The following GALK2 variants were observed in gnomAD, a reference collection of about 807,000 sequenced individuals.
GALK2 encodes the protein N-acetylgalactosamine kinase.
In GALK2, 36 loss-of-function variants were observed where a neutral mutation model predicts 52.4. The ratio of observed to expected loss-of-function variants is 0.69; its 90% CI spans 0.53 to 0.91. The LOEUF is 0.91. GALK2 is among the 40% of genes least tolerant of loss of function. GALK2 has a pLI of 0.00. For synonymous variants in GALK2, 176 were observed against 199.1 expected, an observed-to-expected ratio of 0.88 and a Z score of 0.98; for missense variants, 579 against 559.1, an observed-to-expected ratio of 1.04 and a Z score of -0.36.
intron 1 of GALK2, among the ~76,000 whole-genome samples, chr15:49,200,350 A>C (rs1566930348): frequency 6.6e-6 from 1 of 152,220 alleles, no homozygotes; most frequent in South Asian, 2.1e-4. Flanking sequence ...TCATTTGACT[A>C]CATGTTCTGA....
downstream of GALK2, among the ~76,000 whole-genome samples, chr15:49,334,873 A>C (rs1019012834): frequency 6.6e-6 from 1 of 152,200 alleles, no homozygotes; most frequent in Non-Finnish European, 1.5e-5. Flanking sequence ...TCTTGTAAAA[A>C]TTGATGGATA....
chr15:49,265,282 G>A (rs567889280), intron 5 of GALK2, among the ~76,000 whole-genome samples: 38 of 152,282 alleles, frequency 2.5e-4, no homozygotes, highest in South Asian at 8.3e-4. Context: ...AATGGCGCGC[G>A]CCCTCCCCCA....
chr15:49,298,452 A>G (rs1322211773), intron 8 of GALK2, among the ~76,000 whole-genome samples: 3 of 151,976 alleles, frequency 2.0e-5, no homozygotes, highest in African/African-American at 7.2e-5. Context: ...CTCCAATACT[A>G]TGTTGAATAG....
At chr15:49,313,769 A>T (rs1165215888) in intron 8 of GALK2, among the ~76,000 whole-genome samples, 1 of 152,234 alleles carries the variant, frequency 6.6e-6, no homozygotes, top group East Asian at 1.9e-4. Context: ...CTCAGTGCTT[A>T]TGGCATCCCT....
chr15:49,183,710 G>A (rs1778695831), intron 1 of GALK2, among the ~76,000 whole-genome samples: 1 of 152,134 alleles, frequency 6.6e-6, no homozygotes, highest in African/African-American at 2.4e-5. Context: ...AGGCGTGGTG[G>A]CACATGCCTG....
At chr15:49,293,646 C>T (rs1028312890) in intron 8 of GALK2, among the ~76,000 whole-genome samples, 9 of 152,268 alleles carry the variant, frequency 5.9e-5, no homozygotes, top group African/African-American at 1.9e-4. Flanking sequence ...CTAAAGTTTA[C>T]CTTAGTTTTG....
chr15:49,162,835 C>G (rs1344746994), intron 1 of GALK2, among the ~76,000 whole-genome samples: 2 of 152,296 alleles, frequency 1.3e-5, no homozygotes, highest in Admixed American at 6.5e-5. Flanking sequence ...TGCTAACAGC[C>G]ATGTGCTCTT....
At chr15:49,282,945 G>A (rs2032902962) in intron 6 of GALK2, among the ~76,000 whole-genome samples, 1 of 152,168 alleles carries the variant, frequency 6.6e-6, no homozygotes, top group Non-Finnish European at 1.5e-5. Flanking sequence ...GTTAGCTATA[G>A]AGTCTGAACA....
chr15:49,328,693 G>A lies in GALK2; in HGVS notation c.*534G>A, dbSNP rs1219245855. 1 of 1,548,744 alleles carries A rather than the reference G, an allele frequency of 6.5e-7. No individual in the cohort carries two copies. Among genetic ancestry groups the A allele is most frequent in the African/African-American group, 1.4e-5 (1 of 73,020 alleles). On this transcript the variant is annotated 3_prime_UTR_variant, in exon 10 of 10. Coordinates refer to ENST00000560031, the MANE Select transcript of GALK2 (RefSeq NM_002044.4). ...TCGGAACGCTATGAAAATAATACAT[G>A]ATTAAAGTTTCACAGATCTTCTTGG... is the stretch of plus-strand genomic sequence containing the variant.
intron 2 of GALK2, among the ~76,000 whole-genome samples, chr15:49,215,971 C>T (rs1193789048): frequency 6.6e-6 from 1 of 152,176 alleles, no homozygotes; most frequent in Non-Finnish European, 1.5e-5. Flanking sequence ...TGCTCTAAGC[C>T]CAGGAATGCT....
chr15:49,335,317 T>C, downstream of GALK2: 1 of 712,730 alleles, frequency 1.4e-6, no homozygotes, highest in Non-Finnish European at 2.4e-6. Flanking sequence ...CAGACATGAC[T>C]CTCCTCATCA....
intron 8 of GALK2, among the ~76,000 whole-genome samples, chr15:49,295,863 C>T (rs2034429714): frequency 6.6e-6 from 1 of 152,206 alleles, no homozygotes; most frequent in Admixed American, 6.5e-5. Context: ...TATTCTCTTG[C>T]TCTGTATCCA....
At position 49,328,917 on chromosome 15, in the gene GALK2, A is replaced by AT. The variant is rs2151120918; in HGVS notation, c.*759dup. 8.2e-7 allele frequency: 1 copy of AT among 1,221,678 alleles called. No homozygotes were observed. Among genetic ancestry groups the AT allele is most frequent in the Non-Finnish European group, 1.0e-6 (1 of 973,508 alleles). The allele number at this position is 1,221,678 out of a possible 1,614,324, so 75.7% of individuals were successfully genotyped here. A position where few individuals can be genotyped will look rare whatever the true frequency, so the allele number is the denominator to read the frequency against. ...TCCATTACTTAATAGAAAAACTTAG[A>AT]TAAAAAACACTTTAAGACTCTTCTA... is the stretch of plus-strand genomic sequence containing the variant. On this transcript the variant is annotated 3_prime_UTR_variant, in exon 10 of 10. Transcript: ENST00000560031.
upstream of GALK2, among the ~76,000 whole-genome samples, chr15:49,167,334 G>A (rs1325814993): frequency 6.6e-6 from 1 of 152,092 alleles, no homozygotes; most frequent in East Asian, 1.9e-4. Flanking sequence ...TAAAAATACT[G>A]TAAAATATAA....
At chr15:49,268,656 A>G (rs2029875176) in intron 5 of GALK2, among the ~76,000 whole-genome samples, 1 of 152,174 alleles carries the variant, frequency 6.6e-6, no homozygotes, top group African/African-American at 2.4e-5. Context: ...CCAGGGTTCT[A>G]TCCTTACTGG....
At chr15:49,175,741 C>G (rs900029340) in intron 1 of GALK2, among the ~76,000 whole-genome samples, 4 of 152,180 alleles carry the variant, frequency 2.6e-5, no homozygotes, top group Admixed American at 2.6e-4. Context: ...ATGAAATCCA[C>G]AAGCAGACAG....
rs759889201 is a variant in GALK2, at chr15:49,281,087, G to A, written c.505-900G>A. Among the ~76,000 whole-genome samples the A allele has an allele frequency of 2.5e-4, 38 of 152,096 alleles. 1 individual carries two copies. The highest frequency in any genetic ancestry group is 3.3e-4 in the Admixed American group (5 of 15,278). On this transcript the variant is annotated intron_variant, in intron 5 of 9. Coordinates refer to ENST00000560031, the MANE Select transcript of GALK2 (RefSeq NM_002044.4). Reference sequence around the variant, plus strand: ...CTTGACCTCGTGATCCGCCCACCTCGGCCTCCCAAAGTGCTGGGATTACAG... The same window carrying A: ...CTTGACCTCGTGATCCGCCCACCTCAGCCTCCCAAAGTGCTGGGATTACAG...
intron 3 of GALK2, among the ~76,000 whole-genome samples, chr15:49,217,952 T>A (rs902165736): frequency 1.1e-4 from 17 of 152,356 alleles, no homozygotes; most frequent in South Asian, 4.1e-4. Context: ...TCAGTTTTTT[T>A]AAAAATATGG....
intron 5 of GALK2, among the ~76,000 whole-genome samples, chr15:49,270,923 A>T (rs1287036436): frequency 6.6e-6 from 1 of 152,116 alleles, no homozygotes; most frequent in Non-Finnish European, 1.5e-5. Flanking sequence ...ACCACTAGAA[A>T]TCCTGCAGTT....
Sources: allele counts gnomAD v4.1 joint callset (sites outside exome capture counted in the v4.1 genomes callset), GRCh38; gene constraint gnomAD v4.1.1; transcripts MANE v1.5; gene names NCBI Gene and HGNC (gene_info 2026-07-23, HGNC 2026-07-21).